The following C22orf31 variants were observed in gnomAD, a reference collection of about 807,000 sequenced individuals.
C22orf31 encodes uncharacterized protein C22orf31.
In C22orf31, 11 loss-of-function variants were observed where a neutral mutation model predicts 15.0. The ratio of observed to expected loss-of-function variants is 0.73; its 90% CI spans 0.46 to 1.21. The LOEUF (loss-of-function observed/expected upper bound fraction) is 1.21, where lower values mean the gene tolerates loss of function less well. Among genes scored for constraint, C22orf31 ranks in the 50% most tolerant of loss-of-function variants. The probability of loss-of-function intolerance (pLI) is 0.00; values close to 1 mark genes in which losing one functional copy is unlikely to be tolerated. For synonymous variants in C22orf31, 132 were observed against 133.3 expected (o/e 0.99, Z 0.07); for missense variants, 340 against 347.2 (o/e 0.98, Z 0.17).
chr22:29,068,375 C>G, the C22orf31 span, among the ~76,000 whole-genome samples: 1 of 151,698 alleles, frequency 6.6e-6, no homozygotes, highest in Non-Finnish European at 1.5e-5. Context: ...CAGGCACGAG[C>G]CATCCTGCCC....
the C22orf31 span, among the ~76,000 whole-genome samples, chr22:29,068,953 G>T: frequency 6.6e-6 from 1 of 151,638 alleles, no homozygotes; most frequent in Non-Finnish European, 1.5e-5. Context: ...TTGTAGAGAT[G>T]GGGTTTCACT....
chr22:29,061,110 G>C (rs2033226192), intron 1 of C22orf31, among the ~76,000 whole-genome samples: 1 of 152,032 alleles, frequency 6.6e-6, no homozygotes, highest in African/African-American at 2.4e-5. Flanking sequence ...GTCAGGGAGG[G>C]TTCACAAGGA....
the C22orf31 span, among the ~76,000 whole-genome samples, chr22:29,070,985 G>C: frequency 6.6e-6 from 1 of 152,164 alleles, no homozygotes; most frequent in Non-Finnish European, 1.5e-5. Flanking sequence ...GTTTGCTTTG[G>C]GCTGAGAGCT....
At chr22:29,067,421 T>C in the C22orf31 span, among the ~76,000 whole-genome samples, 1 of 151,758 alleles carries the variant, frequency 6.6e-6, no homozygotes, top group African/African-American at 2.4e-5. Context: ...TTAATTATTA[T>C]TATTAATTTT....
chr22:29,063,582 C>T (rs1008526754), upstream of C22orf31, among the ~76,000 whole-genome samples: 1 of 152,224 alleles, frequency 6.6e-6, no homozygotes, highest in African/African-American at 2.4e-5. Context: ...ATTGACTATG[C>T]CACAACAGGT....
the C22orf31 span, among the ~76,000 whole-genome samples, chr22:29,069,496 C>G: frequency 1.3e-5 from 2 of 152,142 alleles, no homozygotes; most frequent in Non-Finnish European, 2.9e-5. Flanking sequence ...AAACGGACAC[C>G]AACATCTTTC....
the C22orf31 span, among the ~76,000 whole-genome samples, chr22:29,072,521 T>C: frequency 1.3e-5 from 2 of 152,228 alleles, no homozygotes; most frequent in African/African-American, 4.8e-5. Context: ...AGAGCTATTT[T>C]TCCTTTAAAC....
At chr22:29,060,374 C>T (rs767062383) in intron 2 of C22orf31, 41 bp downstream of exon 2, 2 of 1,548,084 alleles carry the variant, frequency 1.3e-6, no homozygotes, top group Non-Finnish European at 1.8e-6. Flanking sequence ...TTTTCCCTCC[C>T]CTCGCCAGTC....
chr22:29,064,890 G>C (rs1171346825), upstream of C22orf31, among the ~76,000 whole-genome samples: 1 of 151,698 alleles, frequency 6.6e-6, no homozygotes, highest in East Asian at 1.9e-4. Context: ...GTCCCAATCT[G>C]TCACCCAGGC....
chr22:29,060,964 C>A, intron 1 of C22orf31, 121 bp from the exon 2 acceptor site: 1 of 830,494 alleles, frequency 1.2e-6, no homozygotes, highest in Non-Finnish European at 1.9e-6. Context: ...CCACCCAGTT[C>A]TTAGAAATTT....
chr22:29,072,746 T>A, the C22orf31 span, among the ~76,000 whole-genome samples: 4 of 152,234 alleles, frequency 2.6e-5, no homozygotes, highest in South Asian at 8.3e-4. Context: ...CCAAACCGCT[T>A]GGTGACTTGG....
rs777243259 is a variant in C22orf31 at position 29,059,097 on chromosome 22, G to A, written c.518C>T (p.Ala173Val). Residue 173 changes from alanine (A) to valine (V), a missense_variant, in exon 3 of 3, where the codon GCG (alanine) becomes GTG (valine). Transcript: ENST00000216071. ...RYAEHVAATQ[A>V]LPQDSGTAAW... is the part of the protein sequence containing the mutation. ...TGCTGTCCCACTGTCCTGGGGTAGC[G>A]CTTGGGTGGCAGCCACATGTTCAGC... The A allele has an allele frequency of 4.6e-5, 74 of 1,613,970 alleles. No individual in the cohort carries two copies. The highest frequency in any genetic ancestry group is 5.9e-5 in the Non-Finnish European group (70 of 1,179,978).
At position 29,060,763 on chromosome 22, in the gene C22orf31, C is replaced by T. The variant is rs774271826; in HGVS notation, c.84G>A (p.Gln28=). 2.5e-6 allele frequency: 4 copies of T among 1,614,034 alleles called. No individual in the cohort carries two copies. The East Asian group carries it at 6.7e-5, about 27-fold the overall frequency. The part of the protein sequence containing the change: ...RQSILLNTRL[Q]DCYVDSPALT... ...GAGCCGGTGAGTCCACATAGCAGTCCTGAAGCCTGGTATTTAATAAGATGG... is the reference window on the plus strand; with the variant it reads ...GAGCCGGTGAGTCCACATAGCAGTCTTGAAGCCTGGTATTTAATAAGATGG... The change falls in exon 2 of 3, where the codon CAG becomes CAA. Residue 28 remains glutamine, a synonymous_variant. Transcript: ENST00000216071.
the C22orf31 span, chr22:29,073,274 C>T: frequency 1.8e-5 from 16 of 893,384 alleles, no homozygotes; most frequent in African/African-American, 2.8e-4. The surrounding 1 kb of genome is among the most constrained non-coding windows in gnomAD (Gnocchi z 4.4). Context: ...GGAGCCCACT[C>T]GAGGGGCGAC....
the C22orf31 span, among the ~76,000 whole-genome samples, chr22:29,071,552 C>A: frequency 6.6e-6 from 1 of 152,172 alleles, no homozygotes; most frequent in Non-Finnish European, 1.5e-5. Flanking sequence ...TGCAGATGTT[C>A]CCGCCGCCGC....
At chr22:29,067,342 C>T in the C22orf31 span, among the ~76,000 whole-genome samples, 1 of 151,624 alleles carries the variant, frequency 6.6e-6, no homozygotes, top group Non-Finnish European at 1.5e-5. Flanking sequence ...TTCACTTGCC[C>T]CATTCCAGTC....
chr22:29,067,211 T>C, the C22orf31 span, among the ~76,000 whole-genome samples: 1 of 151,706 alleles, frequency 6.6e-6, no homozygotes, highest in African/African-American at 2.4e-5. Flanking sequence ...CATTAAATAC[T>C]ATTTACTAAA....
chr22:29,067,828 C>T, the C22orf31 span, among the ~76,000 whole-genome samples: 4 of 152,090 alleles, frequency 2.6e-5, no homozygotes, highest in African/African-American at 9.7e-5. Context: ...TCACTGTAAC[C>T]TCAAAATACT....
chr22:29,072,845 C>CG, the C22orf31 span, among the ~76,000 whole-genome samples: 3 of 152,066 alleles, frequency 2.0e-5, no homozygotes, highest in Admixed American at 2.0e-4. Flanking sequence ...CCAGGTGAGG[C>CG]GAGAGATGGG....
Sources: gnomAD v4.1 joint callset for allele counts (sites outside exome capture counted in the v4.1 genomes callset) on GRCh38, gnomAD v4.1.1 for gene constraint, Gnocchi (gnomAD v3.1) non-coding constraint, MANE v1.5 for transcripts, NCBI Gene and HGNC (gene_info 2026-07-23, HGNC 2026-07-21) for gene names.